Variants in REL observed in about 807,000 individuals in gnomAD.
REL encodes the protein REL proto-oncogene, NF-kB subunit, also known as proto-oncogene c-Rel.
In REL, 15 loss-of-function variants were observed where a neutral mutation model predicts 45.9. The observed-to-expected ratio is 0.33, with a 90% CI of 0.22 to 0.50. The LOEUF is 0.50. Among genes scored for constraint, REL ranks in the 20% least tolerant of loss-of-function variants. The pLI is 0.98. For missense variants in REL, 601 were observed against 715.2 expected, an observed-to-expected ratio of 0.84 and a Z score of 1.82; for synonymous variants, 239 against 242.1, an observed-to-expected ratio of 0.99 and a Z score of 0.12.
chr2:60,928,492 C>T lies in REL; in HGVS notation c.*5957C>T, dbSNP rs1230975930. ...AAAACAGAGATATAGATCACTGGAA[C>T]AGAACAGAGCCCTCAGAAATAACGC... On this transcript the variant is annotated 3_prime_UTR_variant, in exon 10 of 10. Transcript: ENST00000394479. The T allele has an allele frequency of 6.7e-6, 1 of 149,780 alleles. No individual in the cohort carries two copies. The highest frequency in any genetic ancestry group is 1.5e-5 in the Non-Finnish European group (1 of 67,490). The allele number at this position is 149,780 out of a possible 1,614,324, so 9.3% of individuals were successfully genotyped here.
intron 1 of REL, among the ~76,000 whole-genome samples, chr2:60,890,760 C>A (rs1573314528): frequency 6.6e-6 from 1 of 152,180 alleles, no homozygotes; most frequent in Non-Finnish European, 1.5e-5. Context: ...ACCCTGGAAT[C>A]ATCATCACAA....
At chr2:60,919,204 A>G (rs842619) in intron 7 of REL, among the ~76,000 whole-genome samples, 9,324 of 152,174 alleles carry the variant, frequency 0.061, 401 homozygotes, top group Middle Eastern at 0.13. Flanking sequence ...GACTTGTGTG[A>G]TAAGAAAACA....
chr2:60,895,515 A>T (rs1158130810), intron 3 of REL, among the ~76,000 whole-genome samples: 1 of 152,168 alleles, frequency 6.6e-6, no homozygotes, highest in Non-Finnish European at 1.5e-5. Flanking sequence ...CCTGGATGTG[A>T]GAAAAATCAA....
rs1275851682 is a variant in REL at position 60,929,657 on chromosome 2, T to G, written c.*7122T>G. On this transcript the variant is annotated 3_prime_UTR_variant, in exon 10 of 10. Transcript: ENST00000394479. Reference sequence around the variant, plus strand: ...GGACACAGGAAGGGGAATATCACACTGGGGACTGTTGTGGGGTGGGGGGAG... The same window carrying G: ...GGACACAGGAAGGGGAATATCACACGGGGGACTGTTGTGGGGTGGGGGGAG... The G allele has an allele frequency of 1.7e-5, 2 of 116,088 alleles. No homozygotes were observed. Among genetic ancestry groups the G allele is most frequent in the Non-Finnish European group, 3.4e-5 (2 of 59,034 alleles). 7.2% of individuals were successfully genotyped at this position (116,088 alleles called of 1,614,324 possible).
intron 3 of REL, among the ~76,000 whole-genome samples, chr2:60,897,569 A>C (rs964503357): frequency 1.3e-5 from 2 of 152,018 alleles, no homozygotes; most frequent in Non-Finnish European, 2.9e-5. Context: ...CAGCCTCCCG[A>C]AATGCTGAGA....
intron 4 of REL, among the ~76,000 whole-genome samples, chr2:60,905,709 A>C (rs1673628377): frequency 6.6e-6 from 1 of 152,160 alleles, no homozygotes; most frequent in Admixed American, 6.6e-5. Flanking sequence ...AAGTTTATTA[A>C]AAAGCCTTAG....
At chr2:60,894,716 CTTT>C (rs1673304812) in intron 3 of REL, among the ~76,000 whole-genome samples, 171 bp downstream of exon 3, 1 of 152,084 alleles carries the variant, frequency 6.6e-6, no homozygotes, top group Non-Finnish European at 1.5e-5. Context: ...CCCTTTCATT[CTTT>C]ATTAGTAGAC....
rs1024581842 is a variant in REL at position 60,904,307 on chromosome 2, C to T, written c.394+3224C>T. Among the ~76,000 whole-genome samples the T allele has an allele frequency of 2.6e-5, 4 of 151,828 alleles. No homozygotes were observed. The East Asian group carries it at 7.8e-4, about 29-fold the overall frequency. ...GTCCCAGCTACTTGGGAGGCTGAAGCAGGAGATTCGCTTGAACCCAGGAGG... is the reference window on the plus strand; with the variant it reads ...GTCCCAGCTACTTGGGAGGCTGAAGTAGGAGATTCGCTTGAACCCAGGAGG... On this transcript the variant is annotated intron_variant, in intron 4 of 9. Coordinates refer to ENST00000394479, the MANE Select transcript of REL (RefSeq NM_001291746.2).
chr2:60,926,632 C>T lies in REL; in HGVS notation c.*4097C>T, dbSNP rs1674275030. On this transcript the variant is annotated 3_prime_UTR_variant, in exon 10 of 10. Coordinates refer to ENST00000394479, the MANE Select transcript of REL (RefSeq NM_001291746.2). Reference sequence around the variant, plus strand: ...TATCAGAGCCCACAGGTTCAGTTTTCTTTCATGCTACCTGAATGTCCTGAT... The same window carrying T: ...TATCAGAGCCCACAGGTTCAGTTTTTTTTCATGCTACCTGAATGTCCTGAT... 1 of 230,192 alleles carries T rather than the reference C, an allele frequency of 4.3e-6. No homozygotes were observed. The highest frequency in any genetic ancestry group is 5.7e-5 in the Admixed American group (1 of 17,652). The allele number at this position is 230,192 out of a possible 1,614,324, so 14.3% of individuals were successfully genotyped here. A position where few individuals can be genotyped will look rare whatever the true frequency, so the allele number is the denominator to read the frequency against.
At chr2:60,915,799 CTATTA>C (rs1673947412) in intron 4 of REL, among the ~76,000 whole-genome samples, 1 of 152,120 alleles carries the variant, frequency 6.6e-6, no homozygotes, top group Non-Finnish European at 1.5e-5. Context: ...ATTTAACAAA[CTATTA>C]TACTATATTC....
rs918803156 is a variant in REL at position 60,894,506 on chromosome 2, A to G, written c.263A>G (p.Tyr88Cys). The change falls in exon 3 of 10, where the codon TAC (tyrosine) becomes TGC (cysteine). Residue 88 changes from tyrosine to cysteine, a missense_variant. Transcript: ENST00000394479. ...GTTGGAAAAGACTGCAGAGACGGCT[A>G]CTATGAAGCAGAATTTGGACAAGAA... is the stretch of plus-strand genomic sequence containing the variant. ...DLVGKDCRDGYYEAEFGQERR... is the reference protein window; with the variant it reads ...DLVGKDCRDGCYEAEFGQERR... The G allele has an allele frequency of 1.2e-6, 2 of 1,604,452 alleles. No homozygotes were observed. The highest frequency in any genetic ancestry group is 2.3e-5 in the East Asian group (1 of 44,380).
intron 7 of REL, 51 bp from the exon 8 acceptor site, chr2:60,919,990 G>A: frequency 8.7e-7 from 1 of 1,143,512 alleles, no homozygotes; most frequent in Admixed American, 2.0e-5. Flanking sequence ...TTAAAGGAGA[G>A]GATACAATCC....
At chr2:60,907,697 CTT>C (rs869140724) in intron 4 of REL, among the ~76,000 whole-genome samples, 10 of 139,782 alleles carry the variant, frequency 7.2e-5, no homozygotes, top group Admixed American at 2.9e-4. Flanking sequence ...TTGTACTTTT[CTT>C]TTTTTTTTTT....
Position 60,930,847 on chromosome 2 carries a change from T to A in REL, c.*8312T>A, listed in dbSNP as rs190775381. ...AGTTTACTATTGGACTTTCAAAAAT[T>A]TAAAGAATTACAAGTAAAATTCATT... On this transcript the variant is annotated 3_prime_UTR_variant, in exon 10 of 10. Coordinates refer to ENST00000394479, the MANE Select transcript of REL (RefSeq NM_001291746.2). 2.6e-5 allele frequency: 4 copies of A among 152,434 alleles called. No homozygotes were observed. The East Asian group carries it at 7.5e-4, about 29-fold the overall frequency. The allele number at this position is 152,434 out of a possible 1,614,324, so 9.4% of individuals were successfully genotyped here. A position where few individuals can be genotyped will look rare whatever the true frequency, so the allele number is the denominator to read the frequency against.
chr2:60,884,973 G>A (rs1192730087), intron 1 of REL, among the ~76,000 whole-genome samples: 1 of 152,120 alleles, frequency 6.6e-6, no homozygotes, highest in Admixed American at 6.6e-5. Context: ...TAAGTAAAAT[G>A]CCACACATGA....
intron 3 of REL, 21 bp from the exon 4 acceptor site, chr2:60,900,971 A>G (rs1006628276): frequency 3.2e-6 from 5 of 1,584,594 alleles, no homozygotes; most frequent in Admixed American, 3.6e-5. Flanking sequence ...GCAGTTTTGA[A>G]TATTGTTTTT....
chr2:60,920,029 CT>C lies in REL; in HGVS notation c.854-9del. On this transcript the variant is annotated splice_polypyrimidine_tract_variant and intron_variant, in intron 7 of 9. Coordinates refer to ENST00000394479, the MANE Select transcript of REL (RefSeq NM_001291746.2). ...AATTTTTTATCTGCTTTCCTGGTTT[CT>C]TTCTAATCAGATACTTACGGCAATA... 6.3e-7 allele frequency: 1 copy of C among 1,584,152 alleles called. No homozygotes were observed. Among genetic ancestry groups the C allele is most frequent in the Non-Finnish European group, 8.6e-7 (1 of 1,160,426 alleles).
intron 1 of REL, among the ~76,000 whole-genome samples, chr2:60,882,862 A>G (rs1188578745): frequency 6.6e-6 from 1 of 152,092 alleles, no homozygotes; most frequent in Non-Finnish European, 1.5e-5. Flanking sequence ...GTGACTATAT[A>G]TTTTCCCTTA....
chr2:60,901,499 A>G (rs1390390452), intron 4 of REL, among the ~76,000 whole-genome samples: 2 of 152,104 alleles, frequency 1.3e-5, no homozygotes, highest in African/African-American at 4.8e-5. Context: ...TTCTGTGTTT[A>G]CTTTTCTACT....
Sources: allele counts gnomAD v4.1 joint callset (sites outside exome capture counted in the v4.1 genomes callset), GRCh38; gene constraint gnomAD v4.1.1; transcripts MANE v1.5; gene names NCBI Gene and HGNC (gene_info 2026-07-23, HGNC 2026-07-21).